INPP4B: variants seen among roughly 807,000 people sequenced by gnomAD.
INPP4B encodes the protein inositol polyphosphate-4-phosphatase type II B, also known as inositol polyphosphate 4-phosphatase type II.
A neutral mutation model predicts 122.5 loss-of-function variants in INPP4B; 55 were observed. The ratio of observed to expected loss-of-function variants is 0.45; its 90% CI spans 0.36 to 0.56. INPP4B has a LOEUF of 0.56. INPP4B is among the 20% of genes least tolerant of loss of function. The probability of loss-of-function intolerance (pLI) is 0.00; values close to 1 mark genes in which losing one functional copy is unlikely to be tolerated. For synonymous variants in INPP4B, 403 were observed against 388.7 expected (o/e 1.04, Z -0.43); for missense variants, 1,000 against 1,097.7 (o/e 0.91, Z 1.26).
intron 2 of INPP4B, among the ~76,000 whole-genome samples, chr4:142,582,664 G>A (rs998056186): frequency 1.3e-5 from 2 of 152,112 alleles, no homozygotes; most frequent in Non-Finnish European, 2.9e-5. Context: ...TTGCAATAAC[G>A]AGTTTGGTGG....
chr4:142,136,723 G>C (rs1173702451), intron 18 of INPP4B, among the ~76,000 whole-genome samples: 1 of 152,224 alleles, frequency 6.6e-6, no homozygotes, highest in Non-Finnish European at 1.5e-5. Flanking sequence ...GAAGAGGCAG[G>C]TGGTGGTAAG....
intron 2 of INPP4B, among the ~76,000 whole-genome samples, chr4:142,694,874 G>T (rs888964143): frequency 1.3e-5 from 2 of 151,894 alleles, no homozygotes; most frequent in African/African-American, 4.8e-5. Context: ...CAACTAAAAA[G>T]TCCCTCAGAA....
chr4:142,398,208 T>C (rs1408312803), intron 7 of INPP4B, among the ~76,000 whole-genome samples: 3 of 150,690 alleles, frequency 2.0e-5, no homozygotes, highest in African/African-American at 7.3e-5. Flanking sequence ...ACCCCGTCTC[T>C]ACTAAAGATA....
chr4:142,805,980 A>C (rs1778624281), intron 1 of INPP4B, among the ~76,000 whole-genome samples: 1 of 152,164 alleles, frequency 6.6e-6, no homozygotes, highest in South Asian at 2.1e-4. Context: ...CTCTTTGCTT[A>C]AAAATAGAGG....
chr4:142,574,348 G>A (rs1733427885), intron 2 of INPP4B, among the ~76,000 whole-genome samples: 1 of 151,938 alleles, frequency 6.6e-6, no homozygotes, highest in Non-Finnish European at 1.5e-5. Flanking sequence ...TCTGCTTAAG[G>A]TCCAATTAAA....
chr4:142,549,109 A>T (rs2150068807), intron 2 of INPP4B, among the ~76,000 whole-genome samples: 1 of 152,168 alleles, frequency 6.6e-6, no homozygotes, highest in South Asian at 2.1e-4. Context: ...ACAGTTATCT[A>T]CCCCAGGTCT....
At chr4:142,844,247 T>C (rs1485706070) in intron 1 of INPP4B, among the ~76,000 whole-genome samples, 1 of 152,184 alleles carries the variant, frequency 6.6e-6, no homozygotes, top group Non-Finnish European at 1.5e-5. Flanking sequence ...CAAATTTGAG[T>C]TATAAATATG....
At chr4:142,333,152 G>A (rs1277627113) in intron 7 of INPP4B, among the ~76,000 whole-genome samples, 1 of 152,258 alleles carries the variant, frequency 6.6e-6, no homozygotes. Context: ...CAGGGGCCAC[G>A]TGAGTCTTGT....
In INPP4B at chr4:142,388,384, GTT is replaced by G. The variant is rs36025141; in HGVS notation, c.372+14552_372+14553del. Reference sequence around the variant, plus strand: ...TAGATCTTATTTTTCTGGAAAAAGGGTTTTTTTTTTTCCTTCTCAGTTGACTA... The same window carrying G: ...TAGATCTTATTTTTCTGGAAAAAGGGTTTTTTTTTCCTTCTCAGTTGACTA... On this transcript the variant is annotated intron_variant, in intron 7 of 25. Coordinates refer to ENST00000262992, the MANE Select transcript of INPP4B (RefSeq NM_001101669.3). Among the ~76,000 whole-genome samples the G allele has an allele frequency of 7.5e-3, 1,117 of 148,158 alleles. 12 individuals carry two copies. The highest frequency in any genetic ancestry group is 0.026 in the African/African-American group (1,064 of 40,782).
chr4:142,725,824 CA>C lies in INPP4B; in HGVS notation c.-191+14del. The C allele has an allele frequency of 2.5e-6, 1 of 397,774 alleles. No homozygotes were observed. The highest frequency in any genetic ancestry group is 3.6e-5 in the East Asian group (1 of 27,952). 24.6% of individuals were successfully genotyped at this position (397,774 alleles called of 1,614,324 possible). ...TATACAGAATGAAAAAATATCAATT[CA>C]AAATAAGCATTACCTTTGTCTAATT... On this transcript the variant is annotated intron_variant, in intron 2 of 25. Coordinates refer to ENST00000262992, the MANE Select transcript of INPP4B (RefSeq NM_001101669.3).
chr4:142,460,531 T>C (rs1317780989), intron 3 of INPP4B, among the ~76,000 whole-genome samples: 1 of 152,122 alleles, frequency 6.6e-6, no homozygotes, highest in East Asian at 1.9e-4. Flanking sequence ...CTTTCTTTTC[T>C]TTTTTTAAGA....
At chr4:142,409,043 CT>C (rs1222577129) in intron 5 of INPP4B, among the ~76,000 whole-genome samples, 1 of 152,100 alleles carries the variant, frequency 6.6e-6, no homozygotes, top group Non-Finnish European at 1.5e-5. Context: ...TTCCTGATTA[CT>C]TTTGCTATGG....
At chr4:142,439,216 T>G (rs1011700076) in intron 3 of INPP4B, among the ~76,000 whole-genome samples, 4 of 152,196 alleles carry the variant, frequency 2.6e-5, no homozygotes, top group Non-Finnish European at 4.4e-5. Flanking sequence ...ACAAGCAATC[T>G]TTGTTCTGGG....
chr4:142,338,326 C>T (rs769719016), intron 7 of INPP4B, among the ~76,000 whole-genome samples: 1 of 152,160 alleles, frequency 6.6e-6, no homozygotes, highest in Non-Finnish European at 1.5e-5. Flanking sequence ...AGCTCCGCCT[C>T]GTGGGTTCAC....
rs145596797 is a variant in INPP4B, at chr4:142,580,603, T to C, written c.-190-117877A>G. Among the ~76,000 whole-genome samples, 500 of 152,148 alleles carry C rather than the reference T, an allele frequency of 3.3e-3. 7 individuals carry two copies. The highest frequency in any genetic ancestry group is 0.018 in the East Asian group (93 of 5,156). On this transcript the variant is annotated intron_variant, in intron 2 of 25. Transcript: ENST00000262992. The stretch of plus-strand genomic sequence containing the variant: ...CAACACAGGTTACAAAGAACGTGTT[T>C]ATGTGGTCCATTTTTGGTGTTCAAA...
chr4:142,332,537 T>C (rs1466155673), intron 7 of INPP4B, among the ~76,000 whole-genome samples: 1 of 151,988 alleles, frequency 6.6e-6, no homozygotes, highest in Non-Finnish European at 1.5e-5. Flanking sequence ...AAAAAGTTGC[T>C]TAAAAAAGGA....
intron 9 of INPP4B, among the ~76,000 whole-genome samples, chr4:142,295,680 C>T (rs1383996811): frequency 4.6e-5 from 7 of 151,868 alleles, no homozygotes; most frequent in African/African-American, 2.4e-5. Flanking sequence ...TCTTCGAGGG[C>T]CTTGAAAGGC....
intron 2 of INPP4B, among the ~76,000 whole-genome samples, chr4:142,587,630 C>G (rs114596070): frequency 0.014 from 2,141 of 152,144 alleles, 39 homozygotes; most frequent in African/African-American, 0.041. Context: ...ATAATCACAT[C>G]AGGGTAAATT....
At chr4:142,631,844 G>C (rs1193155511) in intron 2 of INPP4B, among the ~76,000 whole-genome samples, 1 of 152,088 alleles carries the variant, frequency 6.6e-6, no homozygotes, top group African/African-American at 2.4e-5. Flanking sequence ...CTTCAAGAAT[G>C]AAGGTGAACA....
Sources: gnomAD v4.1 joint callset for allele counts (sites outside exome capture counted in the v4.1 genomes callset) on GRCh38, gnomAD v4.1.1 for gene constraint, MANE v1.5 for transcripts, NCBI Gene and HGNC (gene_info 2026-07-23, HGNC 2026-07-21) for gene names.